The following ARL15 variants were observed in gnomAD, a reference collection of about 807,000 sequenced individuals.
The protein encoded by ARL15 is ADP-ribosylation factor-like protein 15.
Under a neutral mutation model 25.2 loss-of-function variants are expected in ARL15, and 19 were observed. The ratio of observed to expected loss-of-function variants is 0.75; its 90% confidence interval spans 0.53 to 1.10. The LOEUF is 1.10. Among genes scored for constraint, ARL15 ranks in the 50% least tolerant of loss-of-function variants. The probability of loss-of-function intolerance (pLI) is 0.00; values close to 1 mark genes in which losing one functional copy is unlikely to be tolerated. For missense variants in ARL15, 220 were observed against 246.0 expected (o/e 0.89, Z 0.71); for synonymous variants, 94 against 86.8 (o/e 1.08, Z -0.46).
intron 4 of ARL15, among the ~76,000 whole-genome samples, chr5:54,048,534 T>C (rs1008326059): frequency 1.9e-4 from 29 of 150,116 alleles, no homozygotes; most frequent in African/African-American, 7.1e-4. Context: ...TCCCAAGTAG[T>C]TGGGATTTAC....
Position 53,900,485 on chromosome 5 carries a change from G to T in ARL15, c.463-13772C>A, listed in dbSNP as rs1173449501. Among the ~76,000 whole-genome samples, 4 of 151,998 alleles carry T rather than the reference G, an allele frequency of 2.6e-5. No homozygotes were observed. The East Asian group carries it at 7.7e-4, about 29-fold the overall frequency. On this transcript the variant is annotated intron_variant, in intron 4 of 4. Coordinates refer to ENST00000504924, the MANE Select transcript of ARL15 (RefSeq NM_019087.3). The stretch of plus-strand genomic sequence containing the variant: ...CCATTTTCAGTTACAGCATAATCCA[G>T]ATTTGGATAATTATTCCCTATTTTT...
chr5:54,165,693 T>C lies in ARL15; in HGVS notation c.193+6091A>G, dbSNP rs537911735. ...GGATGTGTGTTTATATGCATATTTA[T>C]ATGTATGTATAGGTGCATGTATGGA... On this transcript the variant is annotated intron_variant, in intron 2 of 4. Transcript: ENST00000504924. 6.6e-5 allele frequency among the ~76,000 whole-genome samples: 10 copies of C among 150,832 alleles called. No individual in the cohort carries two copies. In the South Asian group the frequency reaches 2.1e-3, roughly 31 times the overall value.
At position 54,296,208 on chromosome 5, in the gene ARL15, C is replaced by T. The variant is rs1157498836; in HGVS notation, c.48+14224G>A. On this transcript the variant is annotated intron_variant, in intron 1 of 4. Coordinates refer to ENST00000504924, the MANE Select transcript of ARL15 (RefSeq NM_019087.3). ...CAGAGGCAGGGAGATTTTTGGAAGG[C>T]TGGTAGGGGGAAAATGAATCGAAAT... is the stretch of plus-strand genomic sequence containing the variant. Among the ~76,000 whole-genome samples, 4 of 152,178 alleles carry T rather than the reference C, an allele frequency of 2.6e-5. No homozygotes were observed. The East Asian group carries it at 7.7e-4, about 29-fold the overall frequency.
chr5:54,086,269 G>T (rs573783706), intron 4 of ARL15, among the ~76,000 whole-genome samples: 2 of 152,182 alleles, frequency 1.3e-5, no homozygotes, highest in South Asian at 4.1e-4. Flanking sequence ...CAGGTCCAAT[G>T]AATATTTCCA....
chr5:53,958,655 A>G (rs1747253008), intron 4 of ARL15, among the ~76,000 whole-genome samples: 1 of 152,224 alleles, frequency 6.6e-6, no homozygotes. Context: ...GGATCCAACC[A>G]TATACTGTTT....
At chr5:54,179,854 C>A (rs1345717502) in intron 1 of ARL15, among the ~76,000 whole-genome samples, 1 of 151,774 alleles carries the variant, frequency 6.6e-6, no homozygotes, top group Non-Finnish European at 1.5e-5. Flanking sequence ...CCCGTCTCTA[C>A]TAAAAATACA....
At chr5:54,140,417 C>CAGATAGATAGATAGAT (rs57386310) in intron 3 of ARL15, among the ~76,000 whole-genome samples, 18 of 145,372 alleles carry the variant, frequency 1.2e-4, no homozygotes, top group East Asian at 6.1e-4. Flanking sequence ...TGTGGATAGA[C>CAGATAGATAGATAGAT]AGATAGATAG....
chr5:54,280,508 T>G (rs1387836993), intron 1 of ARL15, among the ~76,000 whole-genome samples: 10 of 152,194 alleles, frequency 6.6e-5, no homozygotes, highest in Non-Finnish European at 1.5e-4. Context: ...TAATTGGGCA[T>G]ACAGCTATGG....
At chr5:54,085,255 T>C (rs528573469) in intron 4 of ARL15, among the ~76,000 whole-genome samples, 1 of 152,334 alleles carries the variant, frequency 6.6e-6, no homozygotes, top group South Asian at 2.1e-4. Context: ...GAACAATCTT[T>C]GGCTTTACTT....
intron 1 of ARL15, among the ~76,000 whole-genome samples, chr5:54,241,750 C>T (rs1756963533): frequency 6.6e-6 from 1 of 152,150 alleles, no homozygotes; most frequent in South Asian, 2.1e-4. Context: ...GTTTAAAAAA[C>T]ATGAGCACAT....
At position 54,003,386 on chromosome 5, in the gene ARL15, C is replaced by T. The variant is rs560774938; in HGVS notation, c.462+109816G>A. ...TACCACAATCCCCTACATCCTCAAA[C>T]TGGTGACATTTATCAGCCAGCCATT... On this transcript the variant is annotated intron_variant, in intron 4 of 4. Transcript: ENST00000504924. Among the ~76,000 whole-genome samples the T allele has an allele frequency of 9.2e-5, 14 of 152,342 alleles. No individual in the cohort carries two copies. The South Asian group carries it at 2.9e-3, about 32-fold the overall frequency.
chr5:54,252,980 C>T (rs71622107), intron 1 of ARL15, among the ~76,000 whole-genome samples: 9 of 152,054 alleles, frequency 5.9e-5, no homozygotes, highest in African/African-American at 2.2e-4. Flanking sequence ...CCGCCTTAGC[C>T]TCCCAAAGTG....
intron 4 of ARL15, among the ~76,000 whole-genome samples, chr5:53,964,064 C>T (rs1313181888): frequency 1.3e-5 from 2 of 152,116 alleles, no homozygotes; most frequent in Admixed American, 6.5e-5. Flanking sequence ...ACAGCTGAGG[C>T]CAACTGTGCA....
chr5:53,996,744 G>T (rs1748688424), intron 4 of ARL15, among the ~76,000 whole-genome samples: 1 of 151,984 alleles, frequency 6.6e-6, no homozygotes, highest in Admixed American at 6.6e-5. Flanking sequence ...CTGGTTAGGT[G>T]AAAGTCCCCT....
At chr5:54,005,724 T>C (rs1329438262) in intron 4 of ARL15, among the ~76,000 whole-genome samples, 1 of 151,398 alleles carries the variant, frequency 6.6e-6, no homozygotes, top group Admixed American at 6.6e-5. Context: ...TAGCCGGGCG[T>C]GGTGGCCGGC....
At chr5:54,009,713 C>T (rs941254908) in intron 4 of ARL15, among the ~76,000 whole-genome samples, 1 of 152,182 alleles carries the variant, frequency 6.6e-6, no homozygotes, top group African/African-American at 2.4e-5. Flanking sequence ...TATATTAAGA[C>T]AAACTTGATG....
chr5:54,067,352 C>T (rs1751272616), intron 4 of ARL15, among the ~76,000 whole-genome samples: 1 of 152,134 alleles, frequency 6.6e-6, no homozygotes, highest in Admixed American at 6.5e-5. Context: ...AAAAACTACT[C>T]ATTTTGTGAG....
At chr5:54,176,092 T>C (rs552018343) in intron 1 of ARL15, among the ~76,000 whole-genome samples, 17 of 152,216 alleles carry the variant, frequency 1.1e-4, no homozygotes, top group Non-Finnish European at 2.5e-4. Context: ...CCAGGCTCTA[T>C]AGTTCCAGCT....
chr5:54,049,842 G>T (rs1470077797), intron 4 of ARL15, among the ~76,000 whole-genome samples: 1 of 152,048 alleles, frequency 6.6e-6, no homozygotes, highest in Non-Finnish European at 1.5e-5. Flanking sequence ...AAAGTGCTGG[G>T]ATTACAGGCA....
Sources: allele counts gnomAD v4.1 joint callset (sites outside exome capture counted in the v4.1 genomes callset), GRCh38; gene constraint gnomAD v4.1.1; transcripts MANE v1.5; gene names NCBI Gene and HGNC (gene_info 2026-07-23, HGNC 2026-07-21).